Variants in CNGB1 observed in about 807,000 individuals in gnomAD.
CNGB1 encodes cyclic nucleotide-gated channel beta-1.
A neutral mutation model predicts 151.7 loss-of-function variants in CNGB1; 126 were observed. The observed-to-expected ratio is 0.83, with a 90% CI of 0.72 to 0.96. The LOEUF is 0.96. CNGB1 is among the 40% of genes least tolerant of loss of function. The pLI is 0.00. For synonymous variants in CNGB1, 623 were observed against 635.1 expected (o/e 0.98, Z 0.29); for missense variants, 1,698 against 1,627.0 (o/e 1.04, Z -0.75).
rs551377560 is a variant in CNGB1, at chr16:57,925,630, G to A, written c.1536-2250C>T. Among the ~76,000 whole-genome samples the A allele has an allele frequency of 4.8e-4, 73 of 152,282 alleles. No individual in the cohort carries two copies. In the South Asian group the frequency reaches 0.015, roughly 31 times the overall value. On this transcript the variant is annotated intron_variant, in intron 17 of 32. Coordinates refer to ENST00000251102, the MANE Select transcript of CNGB1 (RefSeq NM_001297.5). ...GCTGTGACTCTGTGAAAGTAAAATG[G>A]TGGAGCTGACTTCCAGAAAATAGGT... is the stretch of plus-strand genomic sequence containing the variant.
At chr16:57,939,392 A>C in intron 16 of CNGB1, 38 bp downstream of exon 16, 4 of 1,613,620 alleles carry the variant, frequency 2.5e-6, no homozygotes, top group Non-Finnish European at 3.4e-6. Flanking sequence ...GACCTCAGAC[A>C]TTCTTGCGCA....
intron 16 of CNGB1, among the ~76,000 whole-genome samples, 155 bp downstream of exon 16, chr16:57,939,275 A>G (rs1961596391): frequency 6.6e-6 from 1 of 152,078 alleles, no homozygotes; most frequent in African/African-American, 2.4e-5. Flanking sequence ...GACACCAAGG[A>G]TGGGATTTTC....
intron 25 of CNGB1, among the ~76,000 whole-genome samples, chr16:57,906,069 T>C (rs1960542421): frequency 6.6e-6 from 1 of 152,202 alleles, no homozygotes; most frequent in African/African-American, 2.4e-5. Flanking sequence ...GCCTAGACAC[T>C]GGGCAGTCCC....
rs181104442 is a variant in CNGB1 at position 57,964,093 on chromosome 16, G to A, written c.290+37C>T. 42 of 1,604,184 alleles carry A rather than the reference G, an allele frequency of 2.6e-5. No individual in the cohort carries two copies. The East Asian group carries it at 3.6e-4, about 14-fold the overall frequency. The stretch of plus-strand genomic sequence containing the variant: ...CTAGCTGGGAGGGTAGTTGGGAGGC[G>A]GGCTGGCCCTGAAGAGAGGGGAGGG... On this transcript the variant is annotated intron_variant, in intron 4 of 32. Coordinates refer to ENST00000251102, the MANE Select transcript of CNGB1 (RefSeq NM_001297.5).
chr16:57,906,449 T>A (rs148557858), intron 25 of CNGB1, among the ~76,000 whole-genome samples: 2 of 152,114 alleles, frequency 1.3e-5, no homozygotes, highest in African/African-American at 4.8e-5. Flanking sequence ...TGACGTGCAA[T>A]GCGTGCAGGA....
intron 10 of CNGB1, among the ~76,000 whole-genome samples, chr16:57,959,523 AC>A (rs1210754362): frequency 3.9e-5 from 6 of 152,122 alleles, no homozygotes; most frequent in African/African-American, 1.4e-4. Context: ...AATCACTTGA[AC>A]CCAGGAGGCA....
chr16:57,956,706 C>G (rs1449274134), intron 12 of CNGB1, among the ~76,000 whole-genome samples: 1 of 152,214 alleles, frequency 6.6e-6, no homozygotes, highest in Non-Finnish European at 1.5e-5. Context: ...ACATAGTAGG[C>G]TGTCCTTAAC....
chr16:57,889,816 TTAA>T (rs1340523078), intron 31 of CNGB1, among the ~76,000 whole-genome samples: 1 of 152,168 alleles, frequency 6.6e-6, no homozygotes, highest in Non-Finnish European at 1.5e-5. Flanking sequence ...GCCCCAGATA[TTAA>T]TGATTACAAA....
In CNGB1 at chr16:57,915,327, CA is replaced by C; in HGVS notation, c.2225del (p.Leu742ArgfsTer12). 3 of 1,613,870 alleles carry C rather than the reference CA, an allele frequency of 1.9e-6. No homozygotes were observed. The East Asian group carries it at 6.7e-5, about 36-fold the overall frequency. On this transcript the variant is annotated frameshift_variant, in exon 23 of 33. Coordinates refer to ENST00000251102, the MANE Select transcript of CNGB1 (RefSeq NM_001297.5). LOFTEE classifies it high-confidence loss of function. ...YLKSRRFKMD[L>X]LSLLPLDFLY... Reference sequence around the variant, plus strand: ...GAAAATCCAAGGGCAGGAGGCTGAGCAGGTCCATCTGAAATCCCAGTGGGAC... The same window carrying C: ...GAAAATCCAAGGGCAGGAGGCTGAGCGGTCCATCTGAAATCCCAGTGGGAC...
Position 57,910,673 on chromosome 16 carries a change from CT to C in CNGB1, c.2492+1079del, listed in dbSNP as rs56363726. On this transcript the variant is annotated intron_variant, in intron 25 of 32. Transcript: ENST00000251102. Reference sequence around the variant, plus strand: ...ACAGGCGTGAGCCACCAAGCCCGGCCTTTTTTTTTTTTTTTTTTTTTTCCCA... The same window carrying C: ...ACAGGCGTGAGCCACCAAGCCCGGCCTTTTTTTTTTTTTTTTTTTTTCCCA... Among the ~76,000 whole-genome samples the C allele has an allele frequency of 3.3e-3, 340 of 104,296 alleles. 1 individual carries two copies. The highest frequency in any genetic ancestry group is 0.01 in the Middle Eastern group (2 of 198). 68.4% of individuals were successfully genotyped at this position (104,296 alleles called of 152,430 possible). A position where few individuals can be genotyped will look rare whatever the true frequency, so the allele number is the denominator to read the frequency against.
At chr16:57,941,460 AG>A (rs1486008614) in intron 14 of CNGB1, among the ~76,000 whole-genome samples, 3 of 152,212 alleles carry the variant, frequency 2.0e-5, no homozygotes, top group African/African-American at 7.2e-5. Flanking sequence ...GCCGCTTGGC[AG>A]CAGAAATCAG....
rs537755233 is a variant in CNGB1 at position 57,964,074 on chromosome 16, G to T, written c.290+56C>A. On this transcript the variant is annotated intron_variant, in intron 4 of 32. Coordinates refer to ENST00000251102, the MANE Select transcript of CNGB1 (RefSeq NM_001297.5). ...CCCCCATCCCCAGGGCTCCCTAGCT[G>T]GGAGGGTAGTTGGGAGGCGGGCTGG... 7.2e-5 allele frequency: 111 copies of T among 1,545,904 alleles called. No individual in the cohort carries two copies. In the African/African-American group the frequency reaches 1.4e-3, roughly 20 times the overall value.
At chr16:57,902,852 A>G (rs1328565094) in intron 27 of CNGB1, among the ~76,000 whole-genome samples, 1 of 151,956 alleles carries the variant, frequency 6.6e-6, no homozygotes, top group African/African-American at 2.4e-5. Flanking sequence ...GGCTCAAGTG[A>G]TCCTCCCGCC....
In CNGB1 at chr16:57,911,734, G is replaced by A. The variant is rs184343851; in HGVS notation, c.2492+19C>T. ...GAAGGTCACCCAGGCATGGCCCCAG[G>A]GGGAGGACTGTGGCTCACCTGTTTC... On this transcript the variant is annotated intron_variant, in intron 25 of 32. Transcript: ENST00000251102. The A allele has an allele frequency of 1.9e-6, 3 of 1,613,548 alleles. No homozygotes were observed. Among genetic ancestry groups the A allele is most frequent in the Non-Finnish European group, 2.5e-6 (3 of 1,179,698 alleles).
At chr16:57,964,446 C>T (rs1367491081) in intron 3 of CNGB1, 41 bp downstream of exon 3, 1 of 1,611,074 alleles carries the variant, frequency 6.2e-7, no homozygotes, top group Non-Finnish European at 8.5e-7. Context: ...GAATGCGGGC[C>T]CCCCTGCCAT....
chr16:57,915,550 C>T (rs771680191), intron 22 of CNGB1, among the ~76,000 whole-genome samples: 2 of 152,152 alleles, frequency 1.3e-5, no homozygotes, highest in African/African-American at 4.8e-5. Flanking sequence ...TCATTATCCT[C>T]GATAGTGGCT....
At chr16:57,922,326 C>T (rs536876102) in intron 18 of CNGB1, among the ~76,000 whole-genome samples, 4 of 152,250 alleles carry the variant, frequency 2.6e-5, no homozygotes, top group East Asian at 1.9e-4. Flanking sequence ...TCAGATCCTT[C>T]GGGAAGAAAC....
chr16:57,933,725 T>C (rs1961424786), intron 16 of CNGB1, among the ~76,000 whole-genome samples: 1 of 15,264 alleles, frequency 6.6e-5, no homozygotes. Flanking sequence ...TTTTCTTTTC[T>C]TTTTTTTTTT....
At chr16:57,916,583 G>C (rs1960872972) in intron 21 of CNGB1, among the ~76,000 whole-genome samples, 1 of 152,154 alleles carries the variant, frequency 6.6e-6, no homozygotes, top group African/African-American at 2.4e-5. Context: ...ATCGTTTACA[G>C]GCAAAACCTG....
Sources: gnomAD v4.1 joint callset for allele counts (sites outside exome capture counted in the v4.1 genomes callset) on GRCh38, gnomAD v4.1.1 for gene constraint, MANE v1.5 for transcripts, NCBI Gene and HGNC (gene_info 2026-07-23, HGNC 2026-07-21) for gene names.